The following KCNC2 variants were observed in gnomAD, a reference collection of about 807,000 sequenced individuals.
KCNC2 encodes the protein voltage-gated potassium channel KCNC2.
KCNC2 carries 21 observed loss-of-function variants against 44.5 expected under a neutral mutation model. That is an observed-to-expected ratio of 0.47 (90% CI 0.33 to 0.68). KCNC2 has a LOEUF of 0.68. KCNC2 is among the 30% of genes least tolerant of loss of function. The pLI, the probability that KCNC2 is intolerant of heterozygous loss-of-function variation, is 0.01. For synonymous variants in KCNC2, 391 were observed against 339.1 expected (o/e 1.15, Z -1.68); for missense variants, 589 against 826.2 (o/e 0.71, Z 3.52).
chr12:75,115,952 G>A (rs757779487), intron 2 of KCNC2, among the ~76,000 whole-genome samples: 23 of 152,078 alleles, frequency 1.5e-4, no homozygotes, highest in Non-Finnish European at 2.8e-4. Context: ...TTGCTTGAGC[G>A]CAGCAACTAT....
At chr12:75,208,087 TC>T in intron 1 of KCNC2, 85 bp from the exon 2 acceptor site, 1 of 1,518,542 alleles carries the variant, frequency 6.6e-7, no homozygotes. Context: ...CCAGAGCGAG[TC>T]CAGGGATGCA....
At chr12:75,087,996 G>GAAA in intron 2 of KCNC2, among the ~76,000 whole-genome samples, 1 of 149,560 alleles carries the variant, frequency 6.7e-6, no homozygotes, top group African/African-American at 2.4e-5. Flanking sequence ...ATCAGTTATG[G>GAAA]AAAAAAAAAA....
intron 2 of KCNC2, among the ~76,000 whole-genome samples, chr12:75,080,362 C>T (rs1385101194): frequency 6.6e-6 from 1 of 151,668 alleles, no homozygotes; most frequent in Non-Finnish European, 1.5e-5. Context: ...CACATTCGTG[C>T]ATAAGCTCCT....
chr12:75,078,127 C>G (rs1267780357), intron 2 of KCNC2, among the ~76,000 whole-genome samples: 2 of 151,810 alleles, frequency 1.3e-5, no homozygotes, highest in African/African-American at 2.4e-5. Context: ...TCCTGGGTAC[C>G]TTGTTTATAA....
chr12:75,103,419 T>C (rs936391340), intron 2 of KCNC2, among the ~76,000 whole-genome samples: 1 of 152,206 alleles, frequency 6.6e-6, no homozygotes, highest in Admixed American at 6.6e-5. Flanking sequence ...GCAAGGGCAA[T>C]ACTTAGATGC....
chr12:75,152,854 T>C (rs1459320610), intron 2 of KCNC2, among the ~76,000 whole-genome samples: 2 of 151,984 alleles, frequency 1.3e-5, no homozygotes, highest in African/African-American at 2.4e-5. Flanking sequence ...GGTATGCATA[T>C]GATGTGTGCA....
At chr12:75,199,532 C>T (rs1159613903) in intron 2 of KCNC2, among the ~76,000 whole-genome samples, 5 of 151,922 alleles carry the variant, frequency 3.3e-5, no homozygotes, top group Non-Finnish European at 7.4e-5. Flanking sequence ...CAAATTACAA[C>T]ACTGCTTTAC....
chr12:75,103,154 T>A (rs1886508861), intron 2 of KCNC2, among the ~76,000 whole-genome samples: 2 of 152,126 alleles, frequency 1.3e-5, no homozygotes, highest in Admixed American at 1.3e-4. Flanking sequence ...CAACTAAAGA[T>A]AATTAAAAGA....
At chr12:75,152,614 T>C (rs1046608856) in intron 2 of KCNC2, among the ~76,000 whole-genome samples, 5 of 151,970 alleles carry the variant, frequency 3.3e-5, no homozygotes, top group Non-Finnish European at 7.4e-5. Flanking sequence ...TTGGTAAATA[T>C]GTAGGTAAAT....
At chr12:75,147,863 T>C (rs1304573883) in intron 2 of KCNC2, among the ~76,000 whole-genome samples, 2 of 152,182 alleles carry the variant, frequency 1.3e-5, no homozygotes, top group Non-Finnish European at 2.9e-5. Context: ...AAGATATTTC[T>C]GGGGCAAACA....
At chr12:75,198,677 T>G (rs990987162) in intron 2 of KCNC2, among the ~76,000 whole-genome samples, 10 of 151,872 alleles carry the variant, frequency 6.6e-5, no homozygotes, top group Admixed American at 1.3e-4. Context: ...TCCGGTACAA[T>G]TATTATACAA....
chr12:75,182,217 G>T (rs1407060479), intron 2 of KCNC2, among the ~76,000 whole-genome samples: 1 of 151,770 alleles, frequency 6.6e-6, no homozygotes, highest in South Asian at 2.1e-4. Flanking sequence ...TGCATACCCT[G>T]CTTGTCACTT....
chr12:75,205,884 A>T (rs1593097867), intron 2 of KCNC2, among the ~76,000 whole-genome samples: 9 of 118,280 alleles, frequency 7.6e-5, no homozygotes, highest in South Asian at 2.7e-4. Flanking sequence ...TGTTGAATTT[A>T]TGGCATGGCC....
At chr12:75,160,227 G>T (rs543775512) in intron 2 of KCNC2, among the ~76,000 whole-genome samples, 29 of 151,798 alleles carry the variant, frequency 1.9e-4, no homozygotes, top group Non-Finnish European at 3.8e-4. Context: ...GAATGGACAT[G>T]TACAGAGGAA....
At chr12:75,088,219 A>G (rs1032569436) in intron 2 of KCNC2, among the ~76,000 whole-genome samples, 5 of 152,088 alleles carry the variant, frequency 3.3e-5, no homozygotes, top group African/African-American at 1.2e-4. Flanking sequence ...AGTAAAATAG[A>G]CAGGATTTAC....
At chr12:75,165,030 G>A (rs1891354442) in intron 2 of KCNC2, among the ~76,000 whole-genome samples, 1 of 151,450 alleles carries the variant, frequency 6.6e-6, no homozygotes, top group African/African-American at 2.4e-5. Flanking sequence ...ATTTCTTAGT[G>A]CTTCCAACTT....
intron 2 of KCNC2, among the ~76,000 whole-genome samples, chr12:75,075,411 T>C (rs1883835242): frequency 6.7e-6 from 1 of 150,118 alleles, no homozygotes; most frequent in Non-Finnish European, 1.5e-5. Flanking sequence ...AAAAGTTGAA[T>C]GTCTCCAAAT....
chr12:75,197,898 A>G (rs1316596050), intron 2 of KCNC2, among the ~76,000 whole-genome samples: 2 of 151,968 alleles, frequency 1.3e-5, no homozygotes, highest in African/African-American at 4.8e-5. Flanking sequence ...GAAATCACCT[A>G]AGATAGATAA....
chr12:75,135,258 A>G (rs1384866559), intron 2 of KCNC2, among the ~76,000 whole-genome samples: 3 of 116,528 alleles, frequency 2.6e-5, no homozygotes, highest in Non-Finnish European at 5.6e-5. Context: ...ATGTAAAATG[A>G]AAAAAAAAAG....
Sources: gnomAD v4.1 joint callset for allele counts (sites outside exome capture counted in the v4.1 genomes callset) on GRCh38, gnomAD v4.1.1 for gene constraint, MANE v1.5 for transcripts, NCBI Gene and HGNC (gene_info 2026-07-23, HGNC 2026-07-21) for gene names.